Variants in TPH1 observed in about 807,000 individuals in gnomAD.
The protein encoded by TPH1 is tryptophan hydroxylase 1.
A neutral mutation model predicts 49.5 loss-of-function variants in TPH1; 37 were observed. The ratio of observed to expected loss-of-function variants is 0.75; its 90% CI spans 0.58 to 0.98. The LOEUF (loss-of-function observed/expected upper bound fraction) is 0.98. Among genes scored for constraint, TPH1 ranks in the 50% least tolerant of loss-of-function variants. The probability of loss-of-function intolerance (pLI) is 0.00; values close to 1 mark genes in which losing one functional copy is unlikely to be tolerated. For synonymous variants in TPH1, 160 were observed against 182.1 expected (o/e 0.88, Z 0.98); for missense variants, 487 against 523.6 (o/e 0.93, Z 0.68).
intron 4 of TPH1, among the ~76,000 whole-genome samples, chr11:18,032,798 G>T (rs937645327): frequency 1.3e-5 from 2 of 151,808 alleles, no homozygotes; most frequent in East Asian, 3.9e-4. Flanking sequence ...CACCCGCATC[G>T]GCCTCCCAAA....
chr11:18,025,506 A>G lies in TPH1; in HGVS notation c.930+69T>C, dbSNP rs1847918722. 8 of 1,603,858 alleles carry G rather than the reference A, an allele frequency of 5.0e-6. No individual in the cohort carries two copies. In the Admixed American group the frequency reaches 1.0e-4, roughly 20 times the overall value. On this transcript the variant is annotated intron_variant, in intron 8 of 10. Transcript: ENST00000682019. Reference sequence around the variant, plus strand: ...TTTCTAATGGTCATTCTGAATATGTACTTTTAAACTACACAGATACTCATA... The same window carrying G: ...TTTCTAATGGTCATTCTGAATATGTGCTTTTAAACTACACAGATACTCATA...
At chr11:18,024,348 ATAT>A (rs2134025905) in intron 8 of TPH1, among the ~76,000 whole-genome samples, 1 of 152,320 alleles carries the variant, frequency 6.6e-6, no homozygotes, top group Admixed American at 6.5e-5. Context: ...ACAAATAACT[ATAT>A]TATACAAAAC....
chr11:18,022,952 G>A, intron 9 of TPH1, 21 bp from the exon 10 acceptor site: 1 of 1,611,858 alleles, frequency 6.2e-7, no homozygotes, highest in East Asian at 2.2e-5. Flanking sequence ...AAGAGTCAGT[G>A]AATCAAAGAA....
intron 8 of TPH1, among the ~76,000 whole-genome samples, chr11:18,024,830 C>T (rs187031905): frequency 3.3e-5 from 5 of 152,300 alleles, no homozygotes; most frequent in Non-Finnish European, 5.9e-5. Flanking sequence ...ACACTCTGCT[C>T]CAGCTTCTTG....
At position 18,021,060 on chromosome 11, in the gene TPH1, A is replaced by G. The variant is rs1396381189; in HGVS notation, c.1266T>C (p.Asn422=). The G allele has an allele frequency of 1.2e-6, 2 of 1,614,104 alleles. No individual in the cohort carries two copies. Among genetic ancestry groups the G allele is most frequent in the Admixed American group, 1.7e-5 (1 of 60,008 alleles). ...CAACATCGAGATCATGCTGCAGCTCATTCATGGCACTGGTTATGCTCTTGG... is the reference window on the plus strand; with the variant it reads ...CAACATCGAGATCATGCTGCAGCTCGTTCATGGCACTGGTTATGCTCTTGG... ...KDTKSITSAM[N]ELQHDLDVVS... Residue 422 remains asparagine (N), a synonymous_variant, in exon 11 of 11, where the codon AAT becomes AAC. Coordinates refer to ENST00000682019, the MANE Select transcript of TPH1 (RefSeq NM_004179.3).
chr11:18,044,636 C>T (rs1397774198), intron 1 of TPH1, among the ~76,000 whole-genome samples: 1 of 151,744 alleles, frequency 6.6e-6, no homozygotes, highest in Non-Finnish European at 1.5e-5. Flanking sequence ...GCTTATGAGG[C>T]ATCAGTTATT....
chr11:18,026,393 C>CAA (rs57335932), intron 7 of TPH1, 97 bp downstream of exon 7: 18,593 of 582,814 alleles, frequency 0.032, 519 homozygotes, highest in African/African-American at 0.14. Context: ...CCTCGCACAC[C>CAA]AAAAAAAAAA....
chr11:18,041,799 A>T (rs1848100350), intron 1 of TPH1, among the ~76,000 whole-genome samples: 1 of 152,238 alleles, frequency 6.6e-6, no homozygotes, highest in African/African-American at 2.4e-5. Context: ...TAAACTGAAT[A>T]ATTATGTGGA....
intron 2 of TPH1, among the ~76,000 whole-genome samples, chr11:18,039,039 C>A (rs685247): frequency 1.3e-5 from 2 of 151,744 alleles, no homozygotes; most frequent in African/African-American, 4.8e-5. Flanking sequence ...ACCAAAAAAA[C>A]TAACGACCAG....
At chr11:18,045,781 CG>C (rs1564861354) in intron 1 of TPH1, among the ~76,000 whole-genome samples, 1 of 151,996 alleles carries the variant, frequency 6.6e-6, no homozygotes, top group African/African-American at 2.4e-5. Context: ...CCTTCTTCTT[CG>C]GGAGGCTGTT....
chr11:18,044,586 C>T (rs764990878), intron 1 of TPH1, among the ~76,000 whole-genome samples: 1 of 151,636 alleles, frequency 6.6e-6, no homozygotes, highest in Non-Finnish European at 1.5e-5. Flanking sequence ...GATCTTTGAT[C>T]GTTACTAAAA....
chr11:18,035,692 C>T (rs750804173), intron 3 of TPH1, among the ~76,000 whole-genome samples: 3 of 152,002 alleles, frequency 2.0e-5, no homozygotes, highest in South Asian at 2.1e-4. Context: ...TGCCAAAGTG[C>T]GGGGATTACA....
rs1241131095 is a variant in TPH1 at position 18,040,636 on chromosome 11, A to G, written c.117+10T>C. ...GAAGAATTCTGTGCAAAAATACAGA[A>G]AATGCTTACCTGAAAGATTTTCAGG... On this transcript the variant is annotated intron_variant, in intron 2 of 10. Coordinates refer to ENST00000682019, the MANE Select transcript of TPH1 (RefSeq NM_004179.3). 2 of 1,609,114 alleles carry G rather than the reference A, an allele frequency of 1.2e-6. No homozygotes were observed. The highest frequency in any genetic ancestry group is 4.5e-5 in the East Asian group (2 of 44,746).
At position 18,020,882 on chromosome 11, in the gene TPH1, T is replaced by C. The variant is rs1590258419; in HGVS notation, c.*109A>G. The C allele has an allele frequency of 1.9e-6, 2 of 1,026,724 alleles. No individual in the cohort carries two copies. Among genetic ancestry groups the C allele is most frequent in the East Asian group, 2.4e-5 (1 of 42,014 alleles). The allele number at this position is 1,026,724 out of a possible 1,614,324, so 63.6% of individuals were successfully genotyped here. A position where few individuals can be genotyped will look rare whatever the true frequency, so the allele number is the denominator to read the frequency against. ...CCTTAAGTAGTGGAATTCGATAATA[T>C]TGTTTGGCCAGAAGATGCTGTCCCT... is the stretch of plus-strand genomic sequence containing the variant. On this transcript the variant is annotated 3_prime_UTR_variant, in exon 11 of 11. Coordinates refer to ENST00000682019, the MANE Select transcript of TPH1 (RefSeq NM_004179.3).
intron 6 of TPH1, among the ~76,000 whole-genome samples, chr11:18,028,019 T>C (rs1847946722): frequency 6.6e-6 from 1 of 152,234 alleles, no homozygotes; most frequent in Admixed American, 6.5e-5. Context: ...AACTAAACTC[T>C]CTTGAGTCAC....
intron 2 of TPH1, among the ~76,000 whole-genome samples, chr11:18,038,231 A>C (rs1848064200): frequency 6.6e-6 from 1 of 152,202 alleles, no homozygotes; most frequent in South Asian, 2.1e-4. Context: ...GTGGAAGTAA[A>C]TATTAGAAAA....
chr11:18,021,975 C>T (rs1031496789), intron 10 of TPH1, among the ~76,000 whole-genome samples: 1 of 152,160 alleles, frequency 6.6e-6, no homozygotes, highest in South Asian at 2.1e-4. Flanking sequence ...CTAGAGGAAT[C>T]CCTGCTAGTA....
intron 3 of TPH1, 94 bp from the exon 4 acceptor site, chr11:18,033,468 T>C: frequency 1.0e-6 from 1 of 991,712 alleles, no homozygotes; most frequent in South Asian, 1.5e-5. Context: ...TAAATTCAGT[T>C]GGATGAGAGT....
intron 3 of TPH1, 122 bp from the exon 4 acceptor site, chr11:18,033,496 C>T (rs542646375): frequency 2.6e-6 from 2 of 767,888 alleles, no homozygotes; most frequent in South Asian, 3.3e-5. Context: ...TTAGCTTGTA[C>T]ATCAAGGCAA....
Sources: allele counts gnomAD v4.1 joint callset (sites outside exome capture counted in the v4.1 genomes callset), GRCh38; gene constraint gnomAD v4.1.1; transcripts MANE v1.5; gene names NCBI Gene and HGNC (gene_info 2026-07-23, HGNC 2026-07-21).